AOPEP: variants seen among roughly 807,000 people sequenced by gnomAD.
AOPEP encodes aminopeptidase O (putative), also known as aminopeptidase O.
Under a neutral mutation model 98.1 loss-of-function variants are expected in AOPEP, and 77 were observed. The observed-to-expected ratio is 0.78, with a 90% CI of 0.65 to 0.95. The LOEUF is 0.95. Ranked by LOEUF, AOPEP falls within the 40% of genes least tolerant of loss-of-function variation. AOPEP has a pLI of 0.00. For missense variants in AOPEP, 1,024 were observed against 1,024.7 expected, an observed-to-expected ratio of 1.00 and a Z score of 0.01; for synonymous variants, 346 against 365.3, an observed-to-expected ratio of 0.95 and a Z score of 0.60.
At chr9:94,818,811 A>G (rs145056157) in intron 5 of AOPEP, among the ~76,000 whole-genome samples, 3,351 of 152,204 alleles carry the variant, frequency 0.022, 128 homozygotes, top group African/African-American at 0.076. Flanking sequence ...TGGCTAACAC[A>G]GTGAAACCCT....
chr9:95,111,153 G>C, the AOPEP span: 1 of 1,534,854 alleles, frequency 6.5e-7, no homozygotes, highest in Non-Finnish European at 8.7e-7. Flanking sequence ...ACGCCTTGGA[G>C]GACGCGACCC....
chr9:95,114,743 C>A, the AOPEP span: 1 of 1,594,036 alleles, frequency 6.3e-7, no homozygotes, highest in South Asian at 1.1e-5. Context: ...CAGAGGGCAA[C>A]TGAGGAAATG....
chr9:94,762,280 T>C (rs1838505113), intron 2 of AOPEP, among the ~76,000 whole-genome samples: 1 of 152,112 alleles, frequency 6.6e-6, no homozygotes, highest in Non-Finnish European at 1.5e-5. Flanking sequence ...ACCCTGTCTC[T>C]ACTAAAAATA....
At chr9:94,830,775 G>A (rs1855792264) in intron 5 of AOPEP, among the ~76,000 whole-genome samples, 1 of 152,104 alleles carries the variant, frequency 6.6e-6, no homozygotes, top group South Asian at 2.1e-4. Flanking sequence ...TCTTGTTGTG[G>A]TTTTGATTTG....
At chr9:94,843,579 T>C (rs2042525192) in intron 5 of AOPEP, among the ~76,000 whole-genome samples, 2 of 152,222 alleles carry the variant, frequency 1.3e-5, no homozygotes, top group Non-Finnish European at 2.9e-5. Flanking sequence ...ATTATTACCA[T>C]ATGGCTTCTT....
chr9:94,921,803 A>G (rs1003087420), intron 5 of AOPEP, among the ~76,000 whole-genome samples: 3 of 152,140 alleles, frequency 2.0e-5, no homozygotes, highest in African/African-American at 7.2e-5. Context: ...GGAGAAGGTC[A>G]TGTTTTCCGC....
At chr9:94,799,401 C>CT (rs1486564197) in intron 4 of AOPEP, among the ~76,000 whole-genome samples, 7 of 146,090 alleles carry the variant, frequency 4.8e-5, no homozygotes, top group African/African-American at 1.8e-4. Flanking sequence ...GACCCCATCT[C>CT]TTAAAAAAAA....
intron 13 of AOPEP, among the ~76,000 whole-genome samples, chr9:95,016,985 TTATAATTATA>T (rs1260854168): frequency 1.3e-5 from 2 of 149,048 alleles, no homozygotes; most frequent in African/African-American, 2.4e-5. Context: ...TGCTATTAAT[TTATAATTATA>T]TATAATTATA....
intron 1 of AOPEP, among the ~76,000 whole-genome samples, chr9:94,754,685 C>T (rs1166743778): frequency 6.6e-6 from 1 of 152,192 alleles, no homozygotes; most frequent in Non-Finnish European, 1.5e-5. Context: ...TGAGGATACT[C>T]CACTTAACCT....
chr9:94,835,314 T>C (rs1041298162), intron 5 of AOPEP, among the ~76,000 whole-genome samples: 1 of 152,156 alleles, frequency 6.6e-6, no homozygotes, highest in Non-Finnish European at 1.5e-5. Context: ...TAAGGATAGA[T>C]GTGGTCAAGG....
chr9:94,767,259 G>A (rs1269177901), intron 2 of AOPEP, among the ~76,000 whole-genome samples: 1 of 152,148 alleles, frequency 6.6e-6, no homozygotes, highest in East Asian at 1.9e-4. Flanking sequence ...TGGAAGGGTC[G>A]TGTTTTAGCT....
At chr9:94,745,376 C>T (rs1282823327) in intron 1 of AOPEP, among the ~76,000 whole-genome samples, 1 of 151,900 alleles carries the variant, frequency 6.6e-6, no homozygotes, top group Non-Finnish European at 1.5e-5. Context: ...CCTGGGTCCA[C>T]GCCATTCTCC....
At chr9:94,882,058 T>C (rs553118505) in intron 5 of AOPEP, among the ~76,000 whole-genome samples, 2 of 152,324 alleles carry the variant, frequency 1.3e-5, no homozygotes, top group East Asian at 1.9e-4. Context: ...GGGAGTCCTT[T>C]ACTATGGCTC....
At chr9:94,861,335 G>C (rs568736104) in intron 5 of AOPEP, among the ~76,000 whole-genome samples, 14 of 152,206 alleles carry the variant, frequency 9.2e-5, no homozygotes, top group Non-Finnish European at 2.1e-4. Flanking sequence ...AAATTAATAT[G>C]ATGTGGGGGC....
chr9:95,043,595 T>C (rs2065558049), intron 13 of AOPEP, among the ~76,000 whole-genome samples: 2 of 152,244 alleles, frequency 1.3e-5, no homozygotes, highest in African/African-American at 4.8e-5. Context: ...CCAGTTAAAA[T>C]GATACTCCAG....
At chr9:95,117,460 T>C in the AOPEP span, 2 of 1,267,340 alleles carry the variant, frequency 1.6e-6, no homozygotes, top group East Asian at 2.4e-5. Context: ...AATACAAAAC[T>C]CTGAGTCCTC....
chr9:94,765,880 GC>G (rs1332877231), intron 2 of AOPEP, among the ~76,000 whole-genome samples: 3 of 152,124 alleles, frequency 2.0e-5, no homozygotes, highest in Admixed American at 1.3e-4. Flanking sequence ...AATGCTTCTT[GC>G]CTGTATCATT....
At chr9:94,808,239 C>A (rs2133908324) in intron 5 of AOPEP, among the ~76,000 whole-genome samples, 1 of 152,186 alleles carries the variant, frequency 6.6e-6, no homozygotes, top group Admixed American at 6.5e-5. Flanking sequence ...GGGGTTTCAC[C>A]ATGTTGCCCA....
intron 5 of AOPEP, among the ~76,000 whole-genome samples, chr9:94,814,486 G>A (rs780248770): frequency 2.0e-5 from 3 of 152,222 alleles, no homozygotes; most frequent in Middle Eastern, 3.2e-3. Flanking sequence ...ATTCTTCTCT[G>A]AGTCCTCTTT....
Sources: allele counts gnomAD v4.1 joint callset (sites outside exome capture counted in the v4.1 genomes callset), GRCh38; gene constraint gnomAD v4.1.1; transcripts MANE v1.5; gene names NCBI Gene and HGNC (gene_info 2026-07-23, HGNC 2026-07-21).